SH3RF2: variants seen among roughly 807,000 people sequenced by gnomAD.
The protein encoded by SH3RF2 is SH3 domain containing ring finger 2.
In SH3RF2, 43 loss-of-function variants were observed where a neutral mutation model predicts 59.0. That is an observed-to-expected ratio of 0.73 (90% CI 0.57 to 0.94). SH3RF2 has a LOEUF of 0.94. Ranked by LOEUF, SH3RF2 falls within the 40% of genes least tolerant of loss-of-function variation. SH3RF2 has a pLI of 0.00. For missense variants in SH3RF2, 930 were observed against 940.1 expected, an observed-to-expected ratio of 0.99 and a Z score of 0.14; for synonymous variants, 391 against 391.5, an observed-to-expected ratio of 1.00 and a Z score of 0.01.
At chr5:145,940,455 G>A (rs1463824873) in intron 2 of SH3RF2, among the ~76,000 whole-genome samples, 1 of 152,148 alleles carries the variant, frequency 6.6e-6, no homozygotes, top group Admixed American at 6.5e-5. Flanking sequence ...AAGCAACCAT[G>A]CATCCCACAG....
Position 146,060,025 on chromosome 5 carries a change from C to A in SH3RF2, c.1715C>A (p.Ser572Tyr). ...TCAGCCGTGGTGGTGGAGATGGGGTCCAAGCCTGCCCTCACGGGGGAGCCC... is the reference window on the plus strand; with the variant it reads ...TCAGCCGTGGTGGTGGAGATGGGGTACAAGCCTGCCCTCACGGGGGAGCCC... ...SPSAVVVEMG[S>Y]KPALTGEPAL... The change falls in exon 9 of 10, where the codon TCC becomes TAC. Residue 572 changes from serine (S) to tyrosine (Y), a missense_variant. Ser to Tyr is a moderately radical substitution (Grantham distance 144). Transcript: ENST00000359120. 1 of 1,610,470 alleles carries A rather than the reference C, an allele frequency of 6.2e-7. No individual in the cohort carries two copies. The highest frequency in any genetic ancestry group is 1.1e-5 in the South Asian group (1 of 90,464).
chr5:146,054,437 C>T (rs534921422), intron 7 of SH3RF2, among the ~76,000 whole-genome samples: 21 of 152,314 alleles, frequency 1.4e-4, no homozygotes, highest in African/African-American at 4.8e-4. Context: ...CATCCAACAC[C>T]TTGAGGCCTC....
At position 145,970,345 on chromosome 5, in the gene SH3RF2, T is replaced by A. The variant is rs145454602; in HGVS notation, c.379-29713T>A. 6.1e-3 allele frequency among the ~76,000 whole-genome samples: 934 copies of A among 152,208 alleles called. 11 individuals carry two copies. Among genetic ancestry groups the A allele is most frequent in the African/African-American group, 0.022 (913 of 41,508 alleles). On this transcript the variant is annotated intron_variant, in intron 2 of 9. Coordinates refer to ENST00000359120, the MANE Select transcript of SH3RF2 (RefSeq NM_152550.4). ...TGTCTTTGCATCCTCATAGTTTAGC[T>A]CCCACTTATAAGTGAGAACATACAA...
chr5:146,071,906 A>G (rs953928767), intron 9 of SH3RF2, among the ~76,000 whole-genome samples: 3 of 152,240 alleles, frequency 2.0e-5, no homozygotes, highest in African/African-American at 4.8e-5. Flanking sequence ...GAATTGTTCA[A>G]TAAGTGGTAG....
intron 5 of SH3RF2, among the ~76,000 whole-genome samples, chr5:146,019,411 T>C (rs564698480): frequency 2.6e-5 from 4 of 152,260 alleles, no homozygotes; most frequent in South Asian, 2.1e-4. Flanking sequence ...TCAAAAATCA[T>C]TTGTTTAAAA....
intron 5 of SH3RF2, among the ~76,000 whole-genome samples, chr5:146,038,522 G>A (rs1762019190): frequency 6.6e-6 from 1 of 152,138 alleles, no homozygotes; most frequent in Non-Finnish European, 1.5e-5. Context: ...GTTCATCTCT[G>A]TACACTAAAT....
Position 146,013,829 on chromosome 5 carries a change from CG to C in SH3RF2, c.828del (p.Ser277ProfsTer29), listed in dbSNP as rs1561742036. The C allele has an allele frequency of 1.9e-6, 3 of 1,614,184 alleles. No homozygotes were observed. The highest frequency in any genetic ancestry group is 2.5e-6 in the Non-Finnish European group (3 of 1,180,026). ...ACAAAAAACCTGTCCCTGGTGTCCT[CG>C]TCCTCCAGAGGCAACACGTCTACCC... ...SRTKNLSLVS[S>X]SSRGNTSTLR... is the part of the protein sequence containing the mutation. On this transcript the variant is annotated frameshift_variant, in exon 5 of 10. Transcript: ENST00000359120. LOFTEE classifies it high-confidence loss of function.
At chr5:146,046,508 GAGA>G (rs1417387911) in intron 5 of SH3RF2, among the ~76,000 whole-genome samples, 3 of 152,212 alleles carry the variant, frequency 2.0e-5, no homozygotes, top group Non-Finnish European at 2.9e-5. Context: ...GGATGGCATG[GAGA>G]AGGTTTCATT....
chr5:146,041,336 T>C (rs549763142), intron 5 of SH3RF2, among the ~76,000 whole-genome samples: 242 of 152,258 alleles, frequency 1.6e-3, no homozygotes, highest in African/African-American at 5.4e-3. Context: ...CACAGCATAG[T>C]TATAGGTGTC....
At chr5:145,945,657 T>C (rs886444875) in intron 2 of SH3RF2, among the ~76,000 whole-genome samples, 5 of 151,952 alleles carry the variant, frequency 3.3e-5, no homozygotes, top group Non-Finnish European at 5.9e-5. Context: ...TGAATGAGAA[T>C]TGAAGCTGAA....
intron 2 of SH3RF2, among the ~76,000 whole-genome samples, chr5:145,952,651 A>G (rs1053203107): frequency 6.6e-6 from 1 of 152,232 alleles, no homozygotes; most frequent in Admixed American, 6.5e-5. Flanking sequence ...CTCTAATGGG[A>G]TAGATAAAAG....
intron 5 of SH3RF2, among the ~76,000 whole-genome samples, chr5:146,028,409 A>G (rs1309553565): frequency 6.6e-6 from 1 of 152,206 alleles, no homozygotes; most frequent in Non-Finnish European, 1.5e-5. Flanking sequence ...ACCATCTCAA[A>G]TGGGAAAATT....
rs1757655636 is a variant in SH3RF2, at chr5:145,937,872, C to G, written c.-57C>G. Reference sequence around the variant, plus strand: ...GACCAGCTCTGCCCCCGTGGCTCAACTGACCCTACCATGTGGACGCTGCTC... The same window carrying G: ...GACCAGCTCTGCCCCCGTGGCTCAAGTGACCCTACCATGTGGACGCTGCTC... On this transcript the variant is annotated 5_prime_UTR_variant, in exon 2 of 10. Coordinates refer to ENST00000359120, the MANE Select transcript of SH3RF2 (RefSeq NM_152550.4). The G allele has an allele frequency of 6.4e-7, 1 of 1,558,352 alleles. No homozygotes were observed. Among genetic ancestry groups the G allele is most frequent in the Non-Finnish European group, 8.7e-7 (1 of 1,153,908 alleles).
intron 9 of SH3RF2, among the ~76,000 whole-genome samples, chr5:146,069,814 T>G (rs2150027875): frequency 6.6e-6 from 1 of 152,218 alleles, no homozygotes. Flanking sequence ...GCTCTACCGA[T>G]CTGCCTGCCT....
chr5:145,985,620 A>G (rs1255123542), intron 2 of SH3RF2, among the ~76,000 whole-genome samples: 1 of 152,212 alleles, frequency 6.6e-6, no homozygotes, highest in Non-Finnish European at 1.5e-5. Context: ...CTAAAGTTTC[A>G]ACAGTTATTA....
chr5:145,954,201 G>A (rs1021208446), intron 2 of SH3RF2, among the ~76,000 whole-genome samples: 9 of 152,070 alleles, frequency 5.9e-5, no homozygotes, highest in African/African-American at 1.2e-4. Flanking sequence ...CCTTTTCTCC[G>A]CAACCTCGCA....
At chr5:146,056,783 T>C (rs1039246077) in intron 8 of SH3RF2, among the ~76,000 whole-genome samples, 30 of 152,236 alleles carry the variant, frequency 2.0e-4, no homozygotes, top group African/African-American at 7.0e-4. Context: ...TTCTCTTCCA[T>C]AGATAGACAG....
Position 146,000,073 on chromosome 5 carries a change from G to A in SH3RF2, c.394G>A (p.Ala132Thr). 3 of 1,613,036 alleles carry A rather than the reference G, an allele frequency of 1.9e-6. No homozygotes were observed. Among genetic ancestry groups the A allele is most frequent in the Non-Finnish European group, 1.7e-6 (2 of 1,179,560 alleles). The change falls in exon 3 of 10, where the codon GCC becomes ACC. Residue 132 changes from alanine (A) to threonine (T), a missense_variant. Ala to Thr is a moderately conservative substitution (Grantham distance 58). Transcript: ENST00000359120. ...IHMDGVPRAKALCNYRGQNPG... is the reference protein window; with the variant it reads ...IHMDGVPRAKTLCNYRGQNPG... The stretch of plus-strand genomic sequence containing the variant: ...GCCATTGCAGGTGCCTCGAGCAAAG[G>A]CCTTATGCAACTACAGAGGGCAGAA...
chr5:145,943,538 A>G (rs891368989), intron 2 of SH3RF2, among the ~76,000 whole-genome samples: 1 of 152,208 alleles, frequency 6.6e-6, no homozygotes, highest in African/African-American at 2.4e-5. Flanking sequence ...CCTCTGCCTG[A>G]TATTCACCTG....
Sources: allele counts gnomAD v4.1 joint callset (sites outside exome capture counted in the v4.1 genomes callset), GRCh38; gene constraint gnomAD v4.1.1; transcripts MANE v1.5; gene names NCBI Gene and HGNC (gene_info 2026-07-23, HGNC 2026-07-21).